The following LIFR variants were observed in gnomAD, a reference collection of about 807,000 sequenced individuals.
LIFR encodes LIF receptor subunit alpha.
LIFR carries 84 observed loss-of-function variants against 122.2 expected under a neutral mutation model. The ratio of observed to expected loss-of-function variants is 0.69; its 90% CI spans 0.58 to 0.82. The LOEUF (loss-of-function observed/expected upper bound fraction) is 0.82, where lower values mean the gene tolerates loss of function less well. Among genes scored for constraint, LIFR ranks in the 40% least tolerant of loss-of-function variants. The pLI, the probability that LIFR is intolerant of heterozygous loss-of-function variation, is 0.00. For synonymous variants in LIFR, 422 were observed against 434.7 expected (o/e 0.97, Z 0.36); for missense variants, 1,294 against 1,311.6 (o/e 0.99, Z 0.21).
Position 38,510,610 on chromosome 5 carries a change from A to G in LIFR, c.845T>C (p.Ile282Thr). The change falls in exon 7 of 20, where the codon ATT becomes ACT. Residue 282 changes from isoleucine (I) to threonine (T), a missense_variant. By Grantham distance (89) the Ile-to-Thr change is moderately conservative (BLOSUM62 -1). Transcript: ENST00000453190. Reference protein sequence around the residue: ...VSQEKVLSALIGHTNCPLIHL... With the variant: ...VSQEKVLSALTGHTNCPLIHL... ...GATCAAGGGGCAGTTTGTATGGCCAATCAGTGCTGATAACACTTTTTCTTG... is the reference window on the plus strand; with the variant it reads ...GATCAAGGGGCAGTTTGTATGGCCAGTCAGTGCTGATAACACTTTTTCTTG... 6.2e-7 allele frequency: 1 copy of G among 1,614,088 alleles called. No homozygotes were observed. The highest frequency in any genetic ancestry group is 8.5e-7 in the Non-Finnish European group (1 of 1,179,976).
At chr5:38,495,115 G>A (rs144850583) in intron 13 of LIFR, among the ~76,000 whole-genome samples, 146 of 152,202 alleles carry the variant, frequency 9.6e-4, no homozygotes, top group African/African-American at 3.4e-3. Flanking sequence ...CCCTCCACTC[G>A]GGAAATCCTC....
At chr5:38,604,479 G>A (rs997644852) in intron 2 of LIFR, among the ~76,000 whole-genome samples, 2 of 152,156 alleles carry the variant, frequency 1.3e-5, no homozygotes, top group South Asian at 2.1e-4. Context: ...AGCTGAGTTG[G>A]GCGGATCACC....
At position 38,523,437 on chromosome 5, in the gene LIFR, AC is replaced by A; in HGVS notation, c.542del (p.Ser181IlefsTer5). 6.2e-7 allele frequency: 1 copy of A among 1,611,900 alleles called. No homozygotes were observed. Among genetic ancestry groups the A allele is most frequent in the Non-Finnish European group, 8.5e-7 (1 of 1,179,264 alleles). ...AACTTACTAATTTTACGAGCTCCATACTCTCTTTACGTAGAACTTTAATTTC... is the reference window on the plus strand; with the variant it reads ...AACTTACTAATTTTACGAGCTCCATATCTCTTTACGTAGAACTTTAATTTC... ...IWEIKVLRKE[S>X]MELVKLVTHN... On this transcript the variant is annotated frameshift_variant, in exon 5 of 20. Coordinates refer to ENST00000453190, the MANE Select transcript of LIFR (RefSeq NM_001127671.2). LOFTEE classifies it high-confidence loss of function.
In LIFR at chr5:38,485,830, G is replaced by C. The variant is rs1369378253; in HGVS notation, c.2486C>G (p.Thr829Arg). 1 of 1,613,990 alleles carries C rather than the reference G, an allele frequency of 6.2e-7. No individual in the cohort carries two copies. The highest frequency in any genetic ancestry group is 8.5e-7 in the Non-Finnish European group (1 of 1,179,958). ...AACCTGAAACTTACAATTTTCCTTT[G>C]TCACCACATACATACTCTTCTCCGG... ...VGPEKSMYVV[T>R]KENSVGLIIA... The change falls in exon 17 of 20, where the codon ACA becomes AGA. Residue 829 changes from threonine to arginine, a missense_variant. Physicochemically the swap from Thr to Arg is moderately conservative, Grantham distance 71. Coordinates refer to ENST00000453190, the MANE Select transcript of LIFR (RefSeq NM_001127671.2).
chr5:38,553,707 A>G (rs1748366991), intron 1 of LIFR, among the ~76,000 whole-genome samples: 1 of 138,164 alleles, frequency 7.2e-6, no homozygotes, highest in Non-Finnish European at 1.6e-5. Flanking sequence ...AGATTATGAT[A>G]GCTTACACTA....
chr5:38,482,456 G>A, intron 19 of LIFR, 133 bp downstream of exon 19: 1 of 620,962 alleles, frequency 1.6e-6, no homozygotes, highest in Non-Finnish European at 2.8e-6. Flanking sequence ...TTTAGAAACT[G>A]AGATGTTTTA....
chr5:38,545,959 T>C (rs1747868483), intron 1 of LIFR, among the ~76,000 whole-genome samples: 1 of 151,614 alleles, frequency 6.6e-6, no homozygotes, highest in African/African-American at 2.4e-5. Flanking sequence ...TGAACAAATA[T>C]TTTATTTCCT....
At chr5:38,528,934 C>CCATTTT (rs1202267384) in intron 2 of LIFR, 94 bp from the exon 3 acceptor site, 35 of 810,348 alleles carry the variant, frequency 4.3e-5, no homozygotes, top group Admixed American at 2.4e-4. Context: ...AAAAAGTCAA[C>CCATTTT]CATTTTCAGT....
chr5:38,514,120 A>C (rs1393123566), intron 5 of LIFR, among the ~76,000 whole-genome samples: 1 of 152,150 alleles, frequency 6.6e-6, no homozygotes, highest in African/African-American at 2.4e-5. Context: ...GTTTAGAAAA[A>C]ATTTCTGAGA....
upstream of LIFR, among the ~76,000 whole-genome samples, chr5:38,598,236 TA>T (rs1561235488): frequency 0.053 from 1,820 of 34,090 alleles, 95 homozygotes; most frequent in African/African-American, 0.15. Context: ...TTTTTTTATT[TA>T]TTTATTTATT....
At chr5:38,542,013 G>A (rs1248396286) in intron 1 of LIFR, among the ~76,000 whole-genome samples, 1 of 152,130 alleles carries the variant, frequency 6.6e-6, no homozygotes, top group East Asian at 1.9e-4. Context: ...CTAAAATCGT[G>A]TCCTCCAGTG....
intron 1 of LIFR, among the ~76,000 whole-genome samples, chr5:38,554,186 T>G (rs906773452): frequency 1.3e-5 from 2 of 152,236 alleles, no homozygotes; most frequent in Non-Finnish European, 2.9e-5. Context: ...CTTCTTTTCT[T>G]TTGTTAAAAC....
chr5:38,588,917 C>T (rs1233046217), intron 1 of LIFR, among the ~76,000 whole-genome samples: 3 of 152,000 alleles, frequency 2.0e-5, no homozygotes, highest in Admixed American at 1.3e-4. Flanking sequence ...TACATTTTAC[C>T]CATAAAAATA....
intron 6 of LIFR, 135 bp downstream of exon 6, chr5:38,511,655 T>G (rs1044668218): frequency 2.6e-6 from 2 of 777,160 alleles, no homozygotes; most frequent in African/African-American, 3.5e-5. Context: ...CCAGGGATGG[T>G]GGGCTTAGAC....
chr5:38,556,644 A>C lies in LIFR; in HGVS notation c.-330T>G, dbSNP rs947067116. On this transcript the variant is annotated 5_prime_UTR_variant, in exon 1 of 20. Coordinates refer to ENST00000453190, the MANE Select transcript of LIFR (RefSeq NM_001127671.2). ...CCACGGCCGAGTCGCTCCAGCCGGG[A>C]CTGCGGCGCGCGGGGGCGGCGCCTG... 4.1e-5 allele frequency: 6 copies of C among 146,790 alleles called. No individual in the cohort carries two copies. The highest frequency in any genetic ancestry group is 1.5e-4 in the African/African-American group (6 of 40,672). The allele number at this position is 146,790 out of a possible 1,614,324, so 9.1% of individuals were successfully genotyped here.
rs1445782984 is a variant in LIFR, at chr5:38,480,995, A to C, written c.*600T>G. 2 of 226,088 alleles carry C rather than the reference A, an allele frequency of 8.8e-6. No individual in the cohort carries two copies. Among genetic ancestry groups the C allele is most frequent in the Admixed American group, 5.4e-5 (1 of 18,390 alleles). 14.0% of individuals were successfully genotyped at this position (226,088 alleles called of 1,614,324 possible). On this transcript the variant is annotated 3_prime_UTR_variant, in exon 20 of 20. Coordinates refer to ENST00000453190, the MANE Select transcript of LIFR (RefSeq NM_001127671.2). ...GACAACTGTTTGATAACCATTATAC[A>C]GTAGGCACAGAAATAAGCATACTTT...
At chr5:38,553,659 TATATATATA>T (rs1748355910) in intron 1 of LIFR, among the ~76,000 whole-genome samples, 2 of 107,234 alleles carry the variant, frequency 1.9e-5, no homozygotes, top group Non-Finnish European at 3.7e-5. Context: ...TATATATATA[TATATATATA>T]TATATTATAT....
intron 7 of LIFR, among the ~76,000 whole-genome samples, chr5:38,509,189 T>G: frequency 6.6e-6 from 1 of 152,216 alleles, no homozygotes; most frequent in Non-Finnish European, 1.5e-5. Context: ...AGTTTTAATT[T>G]CTTCTTTCAT....
intron 5 of LIFR, among the ~76,000 whole-genome samples, chr5:38,521,919 G>GT (rs1012458262): frequency 1.4e-4 from 21 of 152,124 alleles, no homozygotes; most frequent in Admixed American, 3.3e-4. Context: ...TCCATAGGCT[G>GT]TAAGTTCTGG....
Sources: allele counts gnomAD v4.1 joint callset (sites outside exome capture counted in the v4.1 genomes callset), GRCh38; gene constraint gnomAD v4.1.1; transcripts MANE v1.5; gene names NCBI Gene and HGNC (gene_info 2026-07-23, HGNC 2026-07-21).